Variants in SLC6A9 observed in about 807,000 individuals in gnomAD.
SLC6A9 encodes the protein sodium- and chloride-dependent glycine transporter 1.
Under a neutral mutation model 70.9 loss-of-function variants are expected in SLC6A9, and 31 were observed. That is an observed-to-expected ratio of 0.44 (90% CI 0.33 to 0.59). SLC6A9 has a LOEUF of 0.59. Among genes scored for constraint, SLC6A9 ranks in the 20% least tolerant of loss-of-function variants. The pLI, the probability that SLC6A9 is intolerant of heterozygous loss-of-function variation, is 0.04. For missense variants in SLC6A9, 631 were observed against 845.2 expected (o/e 0.75, Z 3.14); for synonymous variants, 310 against 341.3 (o/e 0.91, Z 1.01).
Position 43,997,172 on chromosome 1 carries a change from G to T in SLC6A9, c.*373C>A, listed in dbSNP as rs201502617. The T allele has an allele frequency of 1.6e-5, 4 of 251,832 alleles. 1 individual carries two copies. The South Asian group carries it at 2.1e-4, about 13-fold the overall frequency. The allele number at this position is 251,832 out of a possible 1,614,324, so 15.6% of individuals were successfully genotyped here. A position where few individuals can be genotyped will look rare whatever the true frequency, so the allele number is the denominator to read the frequency against. On this transcript the variant is annotated 3_prime_UTR_variant, in exon 14 of 14. Coordinates refer to ENST00000372310, the MANE Select transcript of SLC6A9 (RefSeq NM_001024845.3). This position sits in a 1 kb window ranked among gnomAD's most constrained non-coding sequence, Gnocchi z 4.4. ...GCAGAGGCTGGGGTCGGCTCTGAGG[G>T]CAGGAGCACTAGTCATGGGGCTGGA... is the stretch of plus-strand genomic sequence containing the variant.
chr1:44,012,400 A>ACCCT (rs1401896482), intron 2 of SLC6A9, among the ~76,000 whole-genome samples: 1 of 152,150 alleles, frequency 6.6e-6, no homozygotes, highest in Non-Finnish European at 1.5e-5. Flanking sequence ...TCCAGCATCG[A>ACCCT]CCCTGCCGAG....
intron 1 of SLC6A9, among the ~76,000 whole-genome samples, chr1:44,029,285 GT>G (rs2087047909): frequency 6.6e-6 from 1 of 152,230 alleles, no homozygotes; most frequent in African/African-American, 2.4e-5. Flanking sequence ...GGACCGCACA[GT>G]TTAGTAGACA....
At chr1:43,998,893 A>G (rs61635679) in intron 12 of SLC6A9, among the ~76,000 whole-genome samples, 2,266 of 152,050 alleles carry the variant, frequency 0.015, 56 homozygotes, top group African/African-American at 0.052. Flanking sequence ...GATTGGAAAT[A>G]AAACTTGTGG....
intron 1 of SLC6A9, 76 bp from the exon 2 acceptor site, chr1:44,024,438 C>A (rs1356851674): frequency 8.8e-6 from 7 of 796,238 alleles, no homozygotes; most frequent in Non-Finnish European, 1.5e-5. Flanking sequence ...TAGTGCCGAG[C>A]CACCCACCAC....
At chr1:44,017,293 C>A (rs181867001) in intron 2 of SLC6A9, 18 of 1,455,446 alleles carry the variant, frequency 1.2e-5, no homozygotes, top group Non-Finnish European at 1.6e-5. Context: ...CAGCCCAGCA[C>A]GGGTGCTCCG....
intron 2 of SLC6A9, 34 bp from the exon 3 acceptor site, chr1:44,010,916 G>C: frequency 6.2e-7 from 1 of 1,612,820 alleles, no homozygotes; most frequent in Non-Finnish European, 8.5e-7. Flanking sequence ...CCATCAGCAA[G>C]GCATTTGTGC....
intron 2 of SLC6A9, among the ~76,000 whole-genome samples, chr1:44,021,750 G>A (rs948010844): frequency 6.6e-6 from 1 of 152,242 alleles, no homozygotes; most frequent in Non-Finnish European, 1.5e-5. Flanking sequence ...ACTAGCCATA[G>A]GAAGACACAG....
chr1:44,002,998 GA>G lies in SLC6A9; in HGVS notation c.591-14del, dbSNP rs1393941265. On this transcript the variant is annotated splice_polypyrimidine_tract_variant and intron_variant, in intron 5 of 13. Transcript: ENST00000372310. This position sits in a 1 kb window ranked among gnomAD's most constrained non-coding sequence, Gnocchi z 5.5. ...CAGCACGTACAGCCTGGGAAGGGGA[GA>G]CTCTGTCACTGAGGGCCAGCCGCCG... The G allele has an allele frequency of 6.2e-7, 1 of 1,613,888 alleles. No individual in the cohort carries two copies. Among genetic ancestry groups the G allele is most frequent in the Admixed American group, 1.7e-5 (1 of 60,002 alleles).
At position 43,997,519 on chromosome 1, in the gene SLC6A9, T is replaced by TGGGGCC; in HGVS notation, c.*20_*25dup. ...CTGCGGTGGGAGCACGGGGTGGGGG[T>TGGGGCC]GGGGCCACTCCCCTGGCAGCTGTGC... On this transcript the variant is annotated 3_prime_UTR_variant, in exon 14 of 14. Transcript: ENST00000372310. The surrounding 1 kb of genome is among the most constrained non-coding windows in gnomAD (Gnocchi z 4.4). The TGGGGCC allele has an allele frequency of 1.3e-6, 2 of 1,568,598 alleles. No homozygotes were observed. The highest frequency in any genetic ancestry group is 1.7e-6 in the Non-Finnish European group (2 of 1,144,326).
chr1:44,010,398 C>G (rs929662685), intron 3 of SLC6A9: 41 of 441,906 alleles, frequency 9.3e-5, no homozygotes, highest in Non-Finnish European at 7.8e-5. Flanking sequence ...CCTCAACATC[C>G]CTGAACCATT....
chr1:44,001,325 G>A (rs774252056), intron 9 of SLC6A9, 27 bp from the exon 10 acceptor site: 19 of 1,614,136 alleles, frequency 1.2e-5, no homozygotes, highest in Non-Finnish European at 1.6e-5. Context: ...TCAGATCGGA[G>A]ACCTGCCCCT....
intron 3 of SLC6A9, 126 bp downstream of exon 3, chr1:44,010,600 G>A (rs1476901541): frequency 1.5e-5 from 14 of 929,114 alleles, no homozygotes; most frequent in Admixed American, 1.2e-4. Context: ...GGATGGGGGC[G>A]AAGGAGGCCA....
chr1:44,022,406 G>C (rs2086900172), intron 2 of SLC6A9, among the ~76,000 whole-genome samples: 1 of 152,162 alleles, frequency 6.6e-6, no homozygotes, highest in South Asian at 2.1e-4. Context: ...GGAAAGGTGG[G>C]GCCATGTTTG....
chr1:44,017,262 C>A (rs1026656412), intron 2 of SLC6A9: 11 of 1,502,818 alleles, frequency 7.3e-6, no homozygotes, highest in Admixed American at 4.8e-5. Context: ...CCTGGCCCTG[C>A]CCCTCCGGCC....
chr1:43,998,059 C>A (rs1179116949), intron 12 of SLC6A9, 34 bp from the exon 13 acceptor site: 2 of 1,577,548 alleles, frequency 1.3e-6, no homozygotes, highest in African/African-American at 2.7e-5. Context: ...GGGCGTGAGG[C>A]CGACCCAGAG....
At chr1:44,008,956 G>A (rs1285131240) in intron 4 of SLC6A9, among the ~76,000 whole-genome samples, 25 of 150,426 alleles carry the variant, frequency 1.7e-4, no homozygotes, top group Non-Finnish European at 2.7e-4. Context: ...TCCTGACCTC[G>A]TGATCCGCCT....
At position 43,997,764 on chromosome 1, in the gene SLC6A9, A is replaced by G. The variant is rs1489430520; in HGVS notation, c.1708-25T>C. 2 of 1,597,754 alleles carry G rather than the reference A, an allele frequency of 1.3e-6. No individual in the cohort carries two copies. Among genetic ancestry groups the G allele is most frequent in the Non-Finnish European group, 1.7e-6 (2 of 1,171,054 alleles). ...GCTGCATGAGGTAGGCATGGGGCAC[A>G]GGGGCAGGGCACGTCAGGAGGGAGC... On this transcript the variant is annotated intron_variant, in intron 13 of 13. Coordinates refer to ENST00000372310, the MANE Select transcript of SLC6A9 (RefSeq NM_001024845.3). This position sits in a 1 kb window ranked among gnomAD's most constrained non-coding sequence, Gnocchi z 4.4.
chr1:44,000,034 G>T (rs1159238151), intron 12 of SLC6A9, among the ~76,000 whole-genome samples: 1 of 152,222 alleles, frequency 6.6e-6, no homozygotes, highest in Non-Finnish European at 1.5e-5. Context: ...GATTTGAATT[G>T]TGGCTCTGCC....
chr1:44,001,492 C>T lies in SLC6A9; in HGVS notation c.1098G>A (p.Leu366=), dbSNP rs777881448. ...GGGCCTCGGGGTAAGCCACGAAGGC[C>T]AGGCCAGGGCCGTGGTCTGCCACAC... ...VSRVADHGPG[L]AFVAYPEALT... Residue 366 remains leucine (L), a synonymous_variant, in exon 9 of 14, where the codon CTG becomes CTA. Transcript: ENST00000372310. 3.7e-6 allele frequency: 6 copies of T among 1,614,170 alleles called. No individual in the cohort carries two copies. The South Asian group carries it at 5.5e-5, about 15-fold the overall frequency.
Sources: gnomAD v4.1 joint callset for allele counts (sites outside exome capture counted in the v4.1 genomes callset) on GRCh38, gnomAD v4.1.1 for gene constraint, Gnocchi (gnomAD v3.1) non-coding constraint, MANE v1.5 for transcripts, NCBI Gene and HGNC (gene_info 2026-07-23, HGNC 2026-07-21) for gene names.